The following PDE4D variants were observed in gnomAD, a reference collection of about 807,000 sequenced individuals.
The protein encoded by PDE4D is 3',5'-cyclic-AMP phosphodiesterase 4D.
Under a neutral mutation model 87.4 loss-of-function variants are expected in PDE4D, and 24 were observed. That is an observed-to-expected ratio of 0.27 (90% CI 0.20 to 0.39). The LOEUF (loss-of-function observed/expected upper bound fraction) is 0.39, where lower values mean the gene tolerates loss of function less well. Among genes scored for constraint, PDE4D ranks in the 10% least tolerant of loss-of-function variants. The pLI is 1.00. For missense variants in PDE4D, 714 were observed against 1,041.0 expected (o/e 0.69, Z 4.32); for synonymous variants, 384 against 383.2 (o/e 1.00, Z -0.02).
intron 2 of PDE4D, among the ~76,000 whole-genome samples, chr5:60,155,215 T>C (rs1434221149): frequency 1.3e-5 from 2 of 152,204 alleles, no homozygotes; most frequent in African/African-American, 4.8e-5. Flanking sequence ...TCACAGGAAG[T>C]GATTGAGGGT....
At chr5:60,491,029 G>A (rs1749504952), upstream of PDE4D, 1 of 152,188 alleles carries the variant, frequency 6.6e-6, no homozygotes. Flanking sequence ...AGGTGACATG[G>A]ATAAAGAGCC....
intron 1 of PDE4D, among the ~76,000 whole-genome samples, chr5:59,264,779 T>C (rs1331391321): frequency 6.6e-6 from 1 of 152,054 alleles, no homozygotes; most frequent in Non-Finnish European, 1.5e-5. Flanking sequence ...ACAGGAATGC[T>C]AAATGCCTGC....
intron 2 of PDE4D, among the ~76,000 whole-genome samples, chr5:59,214,681 G>A (rs965910317): frequency 1.3e-5 from 2 of 152,174 alleles, no homozygotes; most frequent in African/African-American, 2.4e-5. Flanking sequence ...AAGGAAGTGA[G>A]ATAAAAATAA....
In PDE4D at chr5:60,258,643, A is replaced by G. The variant is rs181104168; in HGVS notation, c.-89-72956T>C. 2.7e-3 allele frequency among the ~76,000 whole-genome samples: 413 copies of G among 152,098 alleles called. 4 individuals carry two copies. Among genetic ancestry groups the G allele is most frequent in the African/African-American group, 9.5e-3 (396 of 41,550 alleles). On this transcript the variant is annotated intron_variant, in intron 1 of 16. Transcript: ENST00000502484. ...TAAAAATGTCTACTCCAGCTCTTGCATATAAATAAATAAATAATGAAGGCA... is the reference window on the plus strand; with the variant it reads ...TAAAAATGTCTACTCCAGCTCTTGCGTATAAATAAATAAATAATGAAGGCA...
chr5:60,273,381 GA>G (rs1751018214), intron 1 of PDE4D, among the ~76,000 whole-genome samples: 2 of 152,160 alleles, frequency 1.3e-5, no homozygotes. Flanking sequence ...AGTTCAAGGT[GA>G]AAAGAAGATC....
intron 1 of PDE4D, among the ~76,000 whole-genome samples, chr5:59,254,356 A>G (rs1760551761): frequency 6.6e-6 from 1 of 152,064 alleles, no homozygotes; most frequent in African/African-American, 2.4e-5. Flanking sequence ...TTTGAATAAA[A>G]CATTTAAGAA....
intron 1 of PDE4D, among the ~76,000 whole-genome samples, chr5:59,475,109 A>C (rs1000581676): frequency 6.6e-6 from 1 of 152,052 alleles, no homozygotes; most frequent in Non-Finnish European, 1.5e-5. Flanking sequence ...TCTCCTTCCT[A>C]GATAACTGTA....
intron 1 of PDE4D, among the ~76,000 whole-genome samples, chr5:60,303,054 C>G (rs968848326): frequency 5.9e-5 from 9 of 152,068 alleles, no homozygotes; most frequent in African/African-American, 9.7e-5. Context: ...GTCTCAAACT[C>G]CTGAGCTCAA....
At chr5:59,135,949 G>T (rs531171136) in intron 5 of PDE4D, among the ~76,000 whole-genome samples, 2 of 150,508 alleles carry the variant, frequency 1.3e-5, no homozygotes, top group Non-Finnish European at 3.0e-5. Flanking sequence ...GGAAAAACAA[G>T]CATAAAAGAT....
chr5:59,747,334 A>G (rs1759759705), intron 1 of PDE4D, among the ~76,000 whole-genome samples: 1 of 152,192 alleles, frequency 6.6e-6, no homozygotes, highest in African/African-American at 2.4e-5. Context: ...ATATGGCAGC[A>G]TAATCACTTC....
chr5:59,852,910 T>G (rs2152720441), intron 1 of PDE4D, among the ~76,000 whole-genome samples: 1 of 152,128 alleles, frequency 6.6e-6, no homozygotes, highest in South Asian at 2.1e-4. Context: ...TTCCCATAGT[T>G]AATAGATTAT....
chr5:59,893,328 C>A lies in PDE4D; in HGVS notation c.295G>T (p.Gly99Trp). 6.6e-7 allele frequency: 1 copy of A among 1,505,800 alleles called. No homozygotes were observed. Among genetic ancestry groups the A allele is most frequent in the Non-Finnish European group, 8.9e-7 (1 of 1,124,698 alleles). 93.3% of individuals were successfully genotyped at this position (1,505,800 alleles called of 1,614,324 possible). ...CGATGCCGGACGCGGCCGGTGGCCC[C>A]GCTCGAGGCGTAGCGGCCGCGGGCA... ...GAARGRYASS[G>W]ATGRVRHRGY... The change falls in exon 1 of 15, where the codon GGG becomes TGG. Residue 99 changes from glycine to tryptophan, a missense_variant. Gly to Trp is a radical substitution (Grantham distance 184, BLOSUM62 -2). Coordinates refer to ENST00000340635, the MANE Select transcript of PDE4D (RefSeq NM_001104631.2).
intron 2 of PDE4D, among the ~76,000 whole-genome samples, chr5:60,069,819 C>CA (rs561732724): frequency 2.0e-5 from 3 of 151,898 alleles, no homozygotes; most frequent in Non-Finnish European, 4.4e-5. Context: ...CATGAACATT[C>CA]AATGTCTTTT....
At chr5:59,425,404 A>G (rs540308016) in intron 1 of PDE4D, among the ~76,000 whole-genome samples, 1 of 152,256 alleles carries the variant, frequency 6.6e-6, no homozygotes, top group African/African-American at 2.4e-5. Flanking sequence ...CGTGTGTATT[A>G]TAGGAGATTT....
At chr5:59,915,752 G>A (rs1027237987) in intron 3 of PDE4D, among the ~76,000 whole-genome samples, 1 of 152,062 alleles carries the variant, frequency 6.6e-6, no homozygotes. Flanking sequence ...CTCTTAATAG[G>A]AAGTATGAGT....
chr5:59,771,660 C>T (rs991060586), intron 1 of PDE4D, among the ~76,000 whole-genome samples: 6 of 152,148 alleles, frequency 3.9e-5, no homozygotes, highest in African/African-American at 1.4e-4. Flanking sequence ...AAAGAGTAAA[C>T]TATTTACATG....
rs543462079 is a variant in PDE4D at position 60,224,600 on chromosome 5, C to A, written c.-89-38913G>T. 6.6e-5 allele frequency among the ~76,000 whole-genome samples: 10 copies of A among 152,142 alleles called. No individual in the cohort carries two copies. The East Asian group carries it at 1.7e-3, about 27-fold the overall frequency. On this transcript the variant is annotated intron_variant, in intron 1 of 16. Transcript: ENST00000502484. ...CCCTACAGGCAGTCTCAGCACCTCC[C>A]CAGGTAGGCTCTCCAGCAGCATGGT...
chr5:59,374,424 CAAAG>C (rs377154186), intron 1 of PDE4D, among the ~76,000 whole-genome samples: 1 of 152,158 alleles, frequency 6.6e-6, no homozygotes, highest in African/African-American at 2.4e-5. Context: ...ATAAAAAAGA[CAAAG>C]AAGGGCATTA....
chr5:60,418,638 A>G (rs990541620), intron 1 of PDE4D, among the ~76,000 whole-genome samples: 1 of 151,962 alleles, frequency 6.6e-6, no homozygotes, highest in Admixed American at 6.6e-5. Flanking sequence ...TATGGGGTAC[A>G]TGAGATGTTT....
Sources: gnomAD v4.1 joint callset for allele counts (sites outside exome capture counted in the v4.1 genomes callset) on GRCh38, gnomAD v4.1.1 for gene constraint, MANE v1.5 for transcripts, NCBI Gene and HGNC (gene_info 2026-07-23, HGNC 2026-07-21) for gene names.